Variants in LARGE1 observed in about 807,000 individuals in gnomAD.
The protein encoded by LARGE1 is xylosyl- and glucuronyltransferase LARGE1.
A neutral mutation model predicts 87.6 loss-of-function variants in LARGE1; 43 were observed. The observed-to-expected ratio is 0.49, with a 90% CI of 0.38 to 0.63. The LOEUF is 0.63. Ranked by LOEUF, LARGE1 falls within the 30% of genes least tolerant of loss-of-function variation. The pLI is 0.00. For missense variants in LARGE1, 802 were observed against 1,000.2 expected, an observed-to-expected ratio of 0.80 and a Z score of 2.67; for synonymous variants, 434 against 394.6, an observed-to-expected ratio of 1.10 and a Z score of -1.18.
At chr22:33,513,843 ACAC>A (rs1569228311) in intron 6 of LARGE1, among the ~76,000 whole-genome samples, 1 of 151,656 alleles carries the variant, frequency 6.6e-6, no homozygotes, top group Non-Finnish European at 1.5e-5. Context: ...ACACACACAC[ACAC>A]GAGTCATGTG....
At chr22:33,586,318 G>C (rs1402366822) in intron 5 of LARGE1, among the ~76,000 whole-genome samples, 2 of 152,150 alleles carry the variant, frequency 1.3e-5, no homozygotes, top group East Asian at 3.9e-4. Flanking sequence ...ATTATCCCTT[G>C]CAAGTCCTTC....
intron 3 of LARGE1, 100 bp from the exon 4 acceptor site, chr22:33,626,426 G>C: frequency 6.8e-6 from 6 of 885,696 alleles, no homozygotes; most frequent in Non-Finnish European, 1.1e-5. Flanking sequence ...CTGATTTCTT[G>C]TTGGCATCAT....
chr22:33,706,875 C>G (rs1206534036), intron 2 of LARGE1, among the ~76,000 whole-genome samples: 1 of 152,202 alleles, frequency 6.6e-6, no homozygotes, highest in African/African-American at 2.4e-5. Context: ...TATGGACACC[C>G]TGACTTTAGT....
intron 1 of LARGE1, among the ~76,000 whole-genome samples, chr22:33,808,603 A>T (rs2146144345): frequency 6.6e-6 from 1 of 152,374 alleles, no homozygotes; most frequent in East Asian, 1.9e-4. Flanking sequence ...GATCGTAAAG[A>T]AGAATAAAGC....
At chr22:33,781,834 G>A (rs1450184622) in intron 1 of LARGE1, among the ~76,000 whole-genome samples, 1 of 152,058 alleles carries the variant, frequency 6.6e-6, no homozygotes, top group Non-Finnish European at 1.5e-5. Flanking sequence ...TATTTAAATA[G>A]TACACTGATA....
chr22:33,859,507 C>T (rs2146576680), intron 1 of LARGE1, among the ~76,000 whole-genome samples: 1 of 152,274 alleles, frequency 6.6e-6, no homozygotes, highest in Admixed American at 6.5e-5. Context: ...AGGGAGTTTT[C>T]AACAGGCCCA....
At position 33,486,636 on chromosome 22, in the gene LARGE1, G is replaced by T. The variant is rs529036125; in HGVS notation, c.788-54371C>A. Among the ~76,000 whole-genome samples the T allele has an allele frequency of 6.7e-4, 102 of 152,256 alleles. 1 individual carries two copies. Among genetic ancestry groups the T allele is most frequent in the African/African-American group, 2.1e-3 (86 of 41,542 alleles). Reference sequence around the variant, plus strand: ...AAAGAGAAAAAAAGAGCACCAAAAGGCAGGGGAGTTAATTTTCACAGAATT... The same window carrying T: ...AAAGAGAAAAAAAGAGCACCAAAAGTCAGGGGAGTTAATTTTCACAGAATT... On this transcript the variant is annotated intron_variant, in intron 6 of 14. Coordinates refer to ENST00000397394, the MANE Select transcript of LARGE1 (RefSeq NM_133642.5).
intron 1 of LARGE1, among the ~76,000 whole-genome samples, chr22:33,806,764 C>T (rs142405190): frequency 6.8e-4 from 103 of 152,262 alleles, no homozygotes; most frequent in African/African-American, 2.4e-3. Flanking sequence ...GTAATCTCAG[C>T]GCTTTGGGAG....
chr22:33,254,403 TG>T (rs1927156867), intron 11 of LARGE1, among the ~76,000 whole-genome samples: 1 of 152,216 alleles, frequency 6.6e-6, no homozygotes, highest in Non-Finnish European at 1.5e-5. Flanking sequence ...GTGGTTTGGT[TG>T]GTTGCTACAG....
At chr22:33,194,098 C>T (rs904810471) in intron 11 of LARGE1, among the ~76,000 whole-genome samples, 2 of 151,550 alleles carry the variant, frequency 1.3e-5, no homozygotes, top group Non-Finnish European at 2.9e-5. Flanking sequence ...TTTATACTTA[C>T]TTTTTATAAT....
chr22:33,283,795 A>C (rs762729815), intron 12 of LARGE1, among the ~76,000 whole-genome samples: 1 of 149,756 alleles, frequency 6.7e-6, no homozygotes, highest in Non-Finnish European at 1.5e-5. Flanking sequence ...TGGGGGGAAG[A>C]AAGAGAAAGA....
At chr22:33,155,119 G>A in the LARGE1 span, among the ~76,000 whole-genome samples, 2 of 152,234 alleles carry the variant, frequency 1.3e-5, no homozygotes, top group South Asian at 2.1e-4. Flanking sequence ...GTCAGCAGTG[G>A]TACCAATTTA....
At chr22:33,763,863 T>G (rs1217045734) in intron 1 of LARGE1, among the ~76,000 whole-genome samples, 1 of 97,196 alleles carries the variant, frequency 1.0e-5, no homozygotes, top group Non-Finnish European at 2.0e-5. Context: ...TTTTTTTTTT[T>G]TTTTTGAGAC....
At chr22:33,569,907 T>C (rs2078143548) in intron 5 of LARGE1, among the ~76,000 whole-genome samples, 1 of 152,232 alleles carries the variant, frequency 6.6e-6, no homozygotes, top group African/African-American at 2.4e-5. Flanking sequence ...AAAAACTGTT[T>C]GATGAATGTG....
chr22:33,169,780 G>A (rs967395145), intron 11 of LARGE1, among the ~76,000 whole-genome samples: 1 of 152,044 alleles, frequency 6.6e-6, no homozygotes, highest in Non-Finnish European at 1.5e-5. Context: ...GAACCTGGGA[G>A]GCGGAGGTTG....
chr22:33,214,306 G>A (rs13054395), intron 11 of LARGE1, among the ~76,000 whole-genome samples: 39,634 of 151,172 alleles, frequency 0.26, 6,393 homozygotes, highest in Non-Finnish European at 0.37. Flanking sequence ...CTGTGTCCTC[G>A]TCTCTTCTTC....
intron 5 of LARGE1, among the ~76,000 whole-genome samples, chr22:33,569,642 C>G (rs1303665125): frequency 2.0e-5 from 3 of 152,100 alleles, no homozygotes; most frequent in African/African-American, 7.2e-5. Flanking sequence ...TAGCACTCTT[C>G]CCCCACCTCC....
At chr22:33,084,704 A>T in the LARGE1 span, among the ~76,000 whole-genome samples, 21 of 152,172 alleles carry the variant, frequency 1.4e-4, no homozygotes, top group African/African-American at 5.1e-4. Context: ...CACATATGTA[A>T]TTTTAAATTT....
At chr22:33,861,841 A>G (rs2063932958) in intron 1 of LARGE1, among the ~76,000 whole-genome samples, 1 of 141,180 alleles carries the variant, frequency 7.1e-6, no homozygotes, top group Non-Finnish European at 1.5e-5. Context: ...AGAAAAGTGG[A>G]TTTTGGGACC....
Sources: gnomAD v4.1 joint callset for allele counts (sites outside exome capture counted in the v4.1 genomes callset) on GRCh38, gnomAD v4.1.1 for gene constraint, MANE v1.5 for transcripts, NCBI Gene and HGNC (gene_info 2026-07-23, HGNC 2026-07-21) for gene names.